Variants in UBE2E2 observed in about 807,000 individuals in gnomAD.
The protein encoded by UBE2E2 is ubiquitin conjugating enzyme E2 E2, also known as ubiquitin-conjugating enzyme E2 E2.
UBE2E2 carries 6 observed loss-of-function variants against 24.7 expected under a neutral mutation model. That is an observed-to-expected ratio of 0.24 (90% confidence interval 0.13 to 0.48). The LOEUF (loss-of-function observed/expected upper bound fraction) is 0.48, where lower values mean the gene tolerates loss of function less well. Ranked by LOEUF, UBE2E2 falls within the 20% of genes least tolerant of loss-of-function variation. UBE2E2 has a pLI of 0.99. For synonymous variants in UBE2E2, 104 were observed against 83.6 expected, an observed-to-expected ratio of 1.24 and a Z score of -1.33; for missense variants, 169 against 245.0, an observed-to-expected ratio of 0.69 and a Z score of 2.07.
intron 4 of UBE2E2, among the ~76,000 whole-genome samples, chr3:23,518,740 C>A (rs960726848): frequency 2.0e-5 from 3 of 152,142 alleles, no homozygotes; most frequent in African/African-American, 7.2e-5. Context: ...TCCCTTTTTC[C>A]CTCTGTCCCT....
chr3:23,575,953 C>T (rs779137272), intron 5 of UBE2E2, among the ~76,000 whole-genome samples: 7 of 152,062 alleles, frequency 4.6e-5, no homozygotes, highest in Admixed American at 2.6e-4. Flanking sequence ...AACACAGCTA[C>T]GGTACATTGT....
intron 3 of UBE2E2, among the ~76,000 whole-genome samples, chr3:23,270,033 G>A (rs754352003): frequency 2.6e-5 from 4 of 152,032 alleles, no homozygotes; most frequent in Non-Finnish European, 4.4e-5. Flanking sequence ...TTGTCCTGGT[G>A]CAGGCCCCGA....
intron 3 of UBE2E2, among the ~76,000 whole-genome samples, chr3:23,493,781 A>G (rs1699548067): frequency 1.3e-5 from 2 of 152,132 alleles, no homozygotes; most frequent in South Asian, 4.1e-4. Flanking sequence ...TTTTTGATGT[A>G]CACATCTTTG....
chr3:23,350,046 G>T (rs555038269), intron 3 of UBE2E2, among the ~76,000 whole-genome samples: 2 of 152,284 alleles, frequency 1.3e-5, no homozygotes, highest in African/African-American at 4.8e-5. Flanking sequence ...AACTTCCAAA[G>T]GAACGATCAG....
chr3:23,385,267 C>T (rs1559368675), intron 3 of UBE2E2, among the ~76,000 whole-genome samples: 1 of 152,134 alleles, frequency 6.6e-6, no homozygotes, highest in Non-Finnish European at 1.5e-5. Flanking sequence ...AGTGGTTTTG[C>T]TGTAAAGGAA....
At chr3:23,519,720 A>G (rs755269355) in intron 4 of UBE2E2, among the ~76,000 whole-genome samples, 2 of 152,122 alleles carry the variant, frequency 1.3e-5, no homozygotes, top group Non-Finnish European at 2.9e-5. Context: ...TCTATTGCCC[A>G]TACTGGAGTG....
At position 23,511,059 on chromosome 3, in the gene UBE2E2, A is replaced by T. The variant is rs1029791899; in HGVS notation, c.360+11319A>T. On this transcript the variant is annotated intron_variant, in intron 4 of 5. Transcript: ENST00000396703. Reference sequence around the variant, plus strand: ...GATACTGAACATAGAGAAGTGAGCAATGGCATGCCCCATCTTGCATAGAAT... The same window carrying T: ...GATACTGAACATAGAGAAGTGAGCATTGGCATGCCCCATCTTGCATAGAAT... 2.6e-5 allele frequency among the ~76,000 whole-genome samples: 4 copies of T among 152,234 alleles called. No individual in the cohort carries two copies. The East Asian group carries it at 7.7e-4, about 29-fold the overall frequency.
chr3:23,466,712 C>T (rs1253610955), intron 3 of UBE2E2, among the ~76,000 whole-genome samples: 1 of 151,996 alleles, frequency 6.6e-6, no homozygotes, highest in African/African-American at 2.4e-5. Context: ...GGACTACAGG[C>T]ACCCACCACC....
intron 5 of UBE2E2, among the ~76,000 whole-genome samples, chr3:23,545,524 C>G (rs191642729): frequency 3.3e-5 from 5 of 152,296 alleles, no homozygotes; most frequent in Admixed American, 2.0e-4. Context: ...TTAACAGAAT[C>G]TCAAGGCAGA....
chr3:23,463,020 AG>A (rs1430044849), intron 3 of UBE2E2, among the ~76,000 whole-genome samples: 1 of 152,188 alleles, frequency 6.6e-6, no homozygotes, highest in Non-Finnish European at 1.5e-5. Flanking sequence ...TTATGACAAT[AG>A]GTTCATATTA....
intron 1 of UBE2E2, among the ~76,000 whole-genome samples, chr3:23,205,924 T>C (rs1263987772): frequency 3.3e-5 from 5 of 152,190 alleles, no homozygotes; most frequent in African/African-American, 1.2e-4. Flanking sequence ...AGTATGTAAA[T>C]GCACATAAAT....
chr3:23,462,590 A>T (rs1352415656), intron 3 of UBE2E2, among the ~76,000 whole-genome samples: 1 of 152,154 alleles, frequency 6.6e-6, no homozygotes, highest in East Asian at 1.9e-4. Flanking sequence ...AGGCAGACAG[A>T]GTAGGTAAGT....
At chr3:23,512,241 A>G (rs1462009268) in intron 4 of UBE2E2, among the ~76,000 whole-genome samples, 2 of 143,186 alleles carry the variant, frequency 1.4e-5, no homozygotes, top group African/African-American at 5.2e-5. Flanking sequence ...GTTTTTTGAG[A>G]CAGTCTTACC....
chr3:23,562,042 T>C (rs150097774), intron 5 of UBE2E2, among the ~76,000 whole-genome samples: 4,548 of 152,302 alleles, frequency 0.03, 111 homozygotes, highest in East Asian at 0.13. Context: ...CCTCTTTTCC[T>C]AATTGAATAC....
At chr3:23,579,910 A>G (rs965004298) in intron 5 of UBE2E2, among the ~76,000 whole-genome samples, 6 of 152,170 alleles carry the variant, frequency 3.9e-5, no homozygotes, top group Non-Finnish European at 8.8e-5. Flanking sequence ...ACTCTCGTGG[A>G]TGATTTGAGG....
chr3:23,452,661 A>G (rs1215642251), intron 3 of UBE2E2, among the ~76,000 whole-genome samples: 1 of 152,202 alleles, frequency 6.6e-6, no homozygotes, highest in Non-Finnish European at 1.5e-5. Flanking sequence ...TTGCTACTGC[A>G]TAATTCTGTG....
intron 3 of UBE2E2, among the ~76,000 whole-genome samples, chr3:23,395,056 A>C (rs940171943): frequency 6.6e-5 from 10 of 152,218 alleles, no homozygotes; most frequent in African/African-American, 2.4e-4. Flanking sequence ...TTCTTGTGTC[A>C]TGGAGGTTAA....
chr3:23,425,701 G>T (rs930813932), intron 3 of UBE2E2, among the ~76,000 whole-genome samples: 2 of 152,152 alleles, frequency 1.3e-5, no homozygotes, highest in Non-Finnish European at 2.9e-5. Context: ...AAGCTTGAGA[G>T]TGAAAAACTT....
chr3:23,424,642 C>A (rs1697882228), intron 3 of UBE2E2, among the ~76,000 whole-genome samples: 1 of 152,038 alleles, frequency 6.6e-6, no homozygotes, highest in Non-Finnish European at 1.5e-5. Flanking sequence ...GCAAATTGAG[C>A]TAATGTATTG....
Sources: gnomAD v4.1 joint callset for allele counts (sites outside exome capture counted in the v4.1 genomes callset) on GRCh38, gnomAD v4.1.1 for gene constraint, MANE v1.5 for transcripts, NCBI Gene and HGNC (gene_info 2026-07-23, HGNC 2026-07-21) for gene names.